FBXW7: variants seen among roughly 807,000 people sequenced by gnomAD.
FBXW7 encodes F-box/WD repeat-containing protein 7.
A neutral mutation model predicts 86.3 loss-of-function variants in FBXW7; 11 were observed. The observed-to-expected ratio is 0.13, with a 90% CI of 0.08 to 0.21. The LOEUF (loss-of-function observed/expected upper bound fraction) is 0.21. FBXW7 is among the 10% of genes least tolerant of loss of function. The pLI is 1.00. For synonymous variants in FBXW7, 313 were observed against 297.9 expected, an observed-to-expected ratio of 1.05 and a Z score of -0.52; for missense variants, 488 against 847.4, an observed-to-expected ratio of 0.58 and a Z score of 5.27.
intron 4 of FBXW7, among the ~76,000 whole-genome samples, chr4:152,375,715 A>G (rs1484763980): frequency 6.6e-6 from 1 of 152,126 alleles, no homozygotes; most frequent in Non-Finnish European, 1.5e-5. Context: ...AAGCTTTGCC[A>G]TAAGAATAAA....
intron 2 of FBXW7, among the ~76,000 whole-genome samples, chr4:152,429,886 A>T (rs986756947): frequency 8.5e-5 from 13 of 152,236 alleles, no homozygotes; most frequent in African/African-American, 3.1e-4. Context: ...CATACCTACA[A>T]GATTTTCTGC....
intron 2 of FBXW7, among the ~76,000 whole-genome samples, chr4:152,523,644 G>A (rs1749211826): frequency 6.6e-6 from 1 of 152,144 alleles, no homozygotes; most frequent in African/African-American, 2.4e-5. Context: ...TGAAGCTGGA[G>A]ACAATAAAGC....
At chr4:152,456,985 T>C (rs1397384151) in intron 2 of FBXW7, among the ~76,000 whole-genome samples, 2 of 152,130 alleles carry the variant, frequency 1.3e-5, no homozygotes, top group African/African-American at 2.4e-5. Flanking sequence ...TAAATGGAAA[T>C]GGGCAAAAAA....
chr4:152,494,248 A>G (rs896034735), intron 2 of FBXW7, among the ~76,000 whole-genome samples: 1 of 152,212 alleles, frequency 6.6e-6, no homozygotes, highest in Non-Finnish European at 1.5e-5. Context: ...GAAAGAAAAT[A>G]TAGAAAAGAT....
chr4:152,408,002 A>G (rs1025517320), intron 4 of FBXW7, among the ~76,000 whole-genome samples: 3 of 152,112 alleles, frequency 2.0e-5, no homozygotes, highest in African/African-American at 7.2e-5. Flanking sequence ...TCTTTTATAT[A>G]TATTTATTTT....
chr4:152,370,541 C>G (rs930564539), intron 4 of FBXW7, among the ~76,000 whole-genome samples: 12 of 151,890 alleles, frequency 7.9e-5, no homozygotes, highest in African/African-American at 2.7e-4. Context: ...TGGAATTCCA[C>G]TATAAAATTA....
At chr4:152,447,372 G>A (rs1741500142) in intron 2 of FBXW7, among the ~76,000 whole-genome samples, 1 of 152,152 alleles carries the variant, frequency 6.6e-6, no homozygotes. Context: ...ACATGAGGTA[G>A]AGGTATTGGT....
intron 4 of FBXW7, 159 bp downstream of exon 4, chr4:152,411,144 A>C (rs1417469644): frequency 8.9e-7 from 1 of 1,129,092 alleles, no homozygotes; most frequent in African/African-American, 1.6e-5. Context: ...TACTTGTAAT[A>C]CTTTCCATTA....
chr4:152,496,735 G>A (rs1390138278), intron 2 of FBXW7, among the ~76,000 whole-genome samples: 26 of 152,046 alleles, frequency 1.7e-4, no homozygotes, highest in Admixed American at 1.7e-3. Context: ...CCAATGTAAA[G>A]GTGACAACTA....
chr4:152,506,349 T>C (rs1035881299), intron 2 of FBXW7, among the ~76,000 whole-genome samples: 1 of 152,158 alleles, frequency 6.6e-6, no homozygotes, highest in African/African-American at 2.4e-5. Flanking sequence ...GCCAGGATGG[T>C]CTCAATCTCC....
In FBXW7 at chr4:152,429,820, C is replaced by T. The variant is rs77620297; in HGVS notation, c.-119-17291G>A. On this transcript the variant is annotated intron_variant, in intron 2 of 13. Transcript: ENST00000281708. Reference sequence around the variant, plus strand: ...GTAGTAGGCATTCTGTAAATGTTTGCTGATTAAATGAATGCAGTGGAATCA... The same window carrying T: ...GTAGTAGGCATTCTGTAAATGTTTGTTGATTAAATGAATGCAGTGGAATCA... 5.6e-3 allele frequency among the ~76,000 whole-genome samples: 858 copies of T among 152,268 alleles called. 4 individuals are homozygous for T. The highest frequency in any genetic ancestry group is 0.027 in the South Asian group (130 of 4,826).
chr4:152,417,003 C>T (rs1738495036), intron 2 of FBXW7, among the ~76,000 whole-genome samples: 1 of 152,102 alleles, frequency 6.6e-6, no homozygotes, highest in Non-Finnish European at 1.5e-5. Context: ...ACAACTCTCT[C>T]CTGTCCCTTA....
intron 4 of FBXW7, among the ~76,000 whole-genome samples, chr4:152,391,669 G>C (rs1736007860): frequency 6.6e-6 from 1 of 152,078 alleles, no homozygotes; most frequent in South Asian, 2.1e-4. Flanking sequence ...GTTTCTACTA[G>C]ATCATGCTTT....
chr4:152,362,828 C>CAAAAAAAA (rs35796895), intron 4 of FBXW7, among the ~76,000 whole-genome samples: 26 of 79,128 alleles, frequency 3.3e-4, no homozygotes, highest in East Asian at 2.5e-3. Context: ...CTCTCTCTCT[C>CAAAAAAAA]AAAAAAAAAA....
intron 2 of FBXW7, among the ~76,000 whole-genome samples, chr4:152,482,718 C>T (rs184790486): frequency 5.1e-4 from 77 of 152,208 alleles, no homozygotes; most frequent in Admixed American, 3.4e-3. Context: ...TCTTTATTTA[C>T]TCATGGATTC....
Position 152,535,259 on chromosome 4 carries a change from G to A in FBXW7, c.-345C>T. 1 of 249,662 alleles carries A rather than the reference G, an allele frequency of 4.0e-6. No individual in the cohort carries two copies. Among genetic ancestry groups the A allele is most frequent in the Non-Finnish European group, 7.6e-6 (1 of 131,170 alleles). 15.5% of individuals were successfully genotyped at this position (249,662 alleles called of 1,614,324 possible). On this transcript the variant is annotated 5_prime_UTR_variant, in exon 1 of 14. Transcript: ENST00000281708. ...AAGTTTCCTCTGGGTGGAGGCTGCG[G>A]CCGGCCCCCCGGGTCCCCCCCGGCC...
At chr4:152,333,810 T>C (rs750209691) in intron 7 of FBXW7, among the ~76,000 whole-genome samples, 8 of 152,108 alleles carry the variant, frequency 5.3e-5, no homozygotes, top group Non-Finnish European at 4.4e-5. Context: ...TACCAGCACT[T>C]TGGGAGGCCG....
intron 2 of FBXW7, among the ~76,000 whole-genome samples, chr4:152,464,760 T>A (rs188637430): frequency 6.6e-6 from 1 of 152,314 alleles, no homozygotes; most frequent in African/African-American, 2.4e-5. Flanking sequence ...TTCAAAATAA[T>A]AAAGTCAAGA....
rs143394627 is a variant in FBXW7, at chr4:152,437,902, C to T, written c.-119-25373G>A. ...CAATCAAGTATTTTTTAGCCAGGCG[C>T]GATGGCTCACGCTTGTAATCTCAGC... On this transcript the variant is annotated intron_variant, in intron 2 of 13. Coordinates refer to ENST00000281708, the MANE Select transcript of FBXW7 (RefSeq NM_001349798.2). 9.7e-3 allele frequency among the ~76,000 whole-genome samples: 1,481 copies of T among 152,280 alleles called. 51 individuals carry two copies. Among genetic ancestry groups the T allele is most frequent in the Admixed American group, 0.062 (943 of 15,292 alleles).
Sources: gnomAD v4.1 joint callset for allele counts (sites outside exome capture counted in the v4.1 genomes callset) on GRCh38, gnomAD v4.1.1 for gene constraint, MANE v1.5 for transcripts, NCBI Gene and HGNC (gene_info 2026-07-23, HGNC 2026-07-21) for gene names.